Variants in SLC30A7 observed in about 807,000 individuals in gnomAD.
SLC30A7 encodes solute carrier family 30 member 7.
Under a neutral mutation model 46.0 loss-of-function variants are expected in SLC30A7, and 35 were observed. That is an observed-to-expected ratio of 0.76 (90% CI 0.58 to 1.01). The LOEUF (loss-of-function observed/expected upper bound fraction) is 1.01. Among genes scored for constraint, SLC30A7 ranks in the 50% least tolerant of loss-of-function variants. The pLI is 0.00. For synonymous variants in SLC30A7, 147 were observed against 157.8 expected (o/e 0.93, Z 0.51); for missense variants, 464 against 451.1 (o/e 1.03, Z -0.26).
intron 8 of SLC30A7, among the ~76,000 whole-genome samples, chr1:100,949,227 C>A (rs1017063407): frequency 6.6e-6 from 1 of 152,084 alleles, no homozygotes; most frequent in Non-Finnish European, 1.5e-5. Flanking sequence ...TGATGCTATG[C>A]CTTTCTGTTT....
At chr1:100,915,774 C>G (rs1003114847) in intron 6 of SLC30A7, among the ~76,000 whole-genome samples, 2 of 152,152 alleles carry the variant, frequency 1.3e-5, no homozygotes, top group African/African-American at 4.8e-5. Flanking sequence ...CTCTTGATTT[C>G]AATTCTCATG....
chr1:100,896,167 G>C lies in SLC30A7; in HGVS notation c.-96G>C. 9.2e-7 allele frequency: 1 copy of C among 1,082,214 alleles called. No individual in the cohort carries two copies. The highest frequency in any genetic ancestry group is 1.4e-6 in the Non-Finnish European group (1 of 704,870). 67.0% of individuals were successfully genotyped at this position (1,082,214 alleles called of 1,614,324 possible). A position where few individuals can be genotyped will look rare whatever the true frequency, so the allele number is the denominator to read the frequency against. ...GGCGCGCGGCCCCGGACAAGCGCTG[G>C]GGATTCCCGTTTGAGGCGTCACTAC... On this transcript the variant is annotated 5_prime_UTR_variant, in exon 1 of 11. Coordinates refer to ENST00000357650, the MANE Select transcript of SLC30A7 (RefSeq NM_133496.5).
chr1:100,900,876 T>C (rs902331527), intron 2 of SLC30A7, among the ~76,000 whole-genome samples: 1 of 152,222 alleles, frequency 6.6e-6, no homozygotes. Flanking sequence ...TTAGCTTAGT[T>C]ACCAATAGAC....
intron 8 of SLC30A7, chr1:100,941,153 G>A (rs542478174): frequency 1.1e-5 from 4 of 350,642 alleles, no homozygotes; most frequent in South Asian, 8.1e-5. Context: ...TCCTTCATGG[G>A]TTCAGAATTT....
intron 8 of SLC30A7, among the ~76,000 whole-genome samples, chr1:100,952,181 A>T (rs1356285951): frequency 6.6e-6 from 1 of 152,184 alleles, no homozygotes; most frequent in African/African-American, 2.4e-5. Flanking sequence ...CAAGATAATT[A>T]ATTTGTGCTA....
chr1:100,909,459 T>G (rs982376279), intron 3 of SLC30A7, among the ~76,000 whole-genome samples: 33 of 152,148 alleles, frequency 2.2e-4, no homozygotes, highest in African/African-American at 6.5e-4. Context: ...TATGTACCTA[T>G]ACTTAAATCT....
In SLC30A7 at chr1:100,974,845, T is replaced by C; in HGVS notation, c.1119T>C (p.Phe373=). The C allele has an allele frequency of 6.2e-7, 1 of 1,601,672 alleles. No homozygotes were observed. The highest frequency in any genetic ancestry group is 8.5e-7 in the Non-Finnish European group (1 of 1,171,228). The part of the protein sequence containing the change: ...GVRQLYVQID[F]AAM ...GACAGCTCTACGTACAGATTGACTT[T>C]GCAGCCATGTAGTGAATGGAAAGAA... The change falls in exon 11 of 11, where the codon TTT becomes TTC. Residue 373 remains phenylalanine (F), a synonymous_variant. Coordinates refer to ENST00000357650, the MANE Select transcript of SLC30A7 (RefSeq NM_133496.5).
intron 8 of SLC30A7, 122 bp downstream of exon 8, chr1:100,921,963 T>C: frequency 7.0e-6 from 7 of 994,952 alleles, no homozygotes; most frequent in Non-Finnish European, 9.9e-6. Context: ...TTTTTTTTTT[T>C]TTTTTTTTGA....
intron 8 of SLC30A7, among the ~76,000 whole-genome samples, chr1:100,925,250 A>G (rs1029366959): frequency 1.3e-5 from 2 of 152,280 alleles, no homozygotes; most frequent in Admixed American, 6.5e-5. Context: ...GGAGGCCAGC[A>G]TGGCTGAAGC....
intron 2 of SLC30A7, 81 bp downstream of exon 2, chr1:100,896,752 C>A: frequency 8.3e-7 from 1 of 1,203,404 alleles, no homozygotes; most frequent in East Asian, 2.4e-5. Flanking sequence ...CACGTAGCTC[C>A]TCACTAGGAG....
the SLC30A7 span, chr1:100,995,073 T>TA: frequency 9.5e-6 from 14 of 1,470,878 alleles, no homozygotes; most frequent in Non-Finnish European, 1.3e-5. Context: ...TTCAAGGAAA[T>TA]AAAACACATG....
At chr1:100,910,944 C>T (rs1652046410) in intron 3 of SLC30A7, 119 bp from the exon 4 acceptor site, 2 of 704,024 alleles carry the variant, frequency 2.8e-6, no homozygotes, top group Non-Finnish European at 4.8e-6. Context: ...AACACTAGGG[C>T]TTCGCTGGCC....
chr1:100,956,937 T>A (rs2101078446), intron 8 of SLC30A7, among the ~76,000 whole-genome samples: 1 of 152,368 alleles, frequency 6.6e-6, no homozygotes. Flanking sequence ...ATAAGTTTGA[T>A]GACTGATTTC....
intron 8 of SLC30A7, among the ~76,000 whole-genome samples, chr1:100,942,917 ATG>A (rs1557996675): frequency 6.6e-6 from 1 of 152,116 alleles, no homozygotes; most frequent in Non-Finnish European, 1.5e-5. Context: ...TTATAAAACT[ATG>A]TGGGTAAGAG....
At chr1:100,946,680 G>A (rs1366617390) in intron 8 of SLC30A7, among the ~76,000 whole-genome samples, 1 of 152,092 alleles carries the variant, frequency 6.6e-6, no homozygotes, top group Non-Finnish European at 1.5e-5. Context: ...TGCTGGATTT[G>A]GTTTGCCAGT....
the SLC30A7 span, chr1:100,990,650 A>G: frequency 6.2e-7 from 1 of 1,609,408 alleles, no homozygotes; most frequent in East Asian, 2.2e-5. Flanking sequence ...AAAAAAAGAT[A>G]CTGCTATTCA....
intron 8 of SLC30A7, among the ~76,000 whole-genome samples, chr1:100,961,121 A>AT (rs796193858): frequency 0.035 from 4,962 of 141,588 alleles, 244 homozygotes; most frequent in African/African-American, 0.11. Flanking sequence ...TGCCCGGCTG[A>AT]TTTTTTTTTT....
Position 100,978,543 on chromosome 1 carries a change from C to CT in SLC30A7, c.*3687dup, listed in dbSNP as rs931301640. On this transcript the variant is annotated 3_prime_UTR_variant, in exon 11 of 11. Coordinates refer to ENST00000357650, the MANE Select transcript of SLC30A7 (RefSeq NM_133496.5). ...GAGAAAACCGAAGCCCAGAAAAACT[C>CT]TCATTTGCTCAAAGTCACAGAGAAA... 33 of 152,170 alleles carry CT rather than the reference C, an allele frequency of 2.2e-4. No individual in the cohort carries two copies. Among genetic ancestry groups the CT allele is most frequent in the African/African-American group, 7.2e-4 (30 of 41,444 alleles). 9.4% of individuals were successfully genotyped at this position (152,170 alleles called of 1,614,324 possible).
chr1:100,994,069 A>T, the SLC30A7 span, among the ~76,000 whole-genome samples: 42,138 of 151,996 alleles, frequency 0.28, 6,101 homozygotes, highest in African/African-American at 0.35. Flanking sequence ...TAATATTTTA[A>T]TTAATCCAAA....
Sources: allele counts gnomAD v4.1 joint callset (sites outside exome capture counted in the v4.1 genomes callset), GRCh38; gene constraint gnomAD v4.1.1; transcripts MANE v1.5; gene names NCBI Gene and HGNC (gene_info 2026-07-23, HGNC 2026-07-21).